LOXHD1: variants seen among roughly 807,000 people sequenced by gnomAD.
LOXHD1 encodes lipoxygenase homology domain-containing protein 1.
A neutral mutation model predicts 248.2 loss-of-function variants in LOXHD1; 205 were observed. The observed-to-expected ratio is 0.83, with a 90% CI of 0.74 to 0.93. LOXHD1 has a LOEUF of 0.93. Among genes scored for constraint, LOXHD1 ranks in the 40% least tolerant of loss-of-function variants. The pLI is 0.00. For missense variants in LOXHD1, 2,930 were observed against 2,971.6 expected (o/e 0.99, Z 0.33); for synonymous variants, 1,113 against 1,162.8 (o/e 0.96, Z 0.87).
intron 1 of LOXHD1, among the ~76,000 whole-genome samples, chr18:46,651,375 C>G (rs2039109163): frequency 6.6e-6 from 1 of 152,104 alleles, no homozygotes; most frequent in Non-Finnish European, 1.5e-5. Context: ...GATCAACCCC[C>G]GGAGCCCACT....
At chr18:46,552,696 G>T (rs1598985669) in intron 21 of LOXHD1, among the ~76,000 whole-genome samples, 1 of 152,098 alleles carries the variant, frequency 6.6e-6, no homozygotes, top group South Asian at 2.1e-4. Context: ...ACCCCAGCTG[G>T]CATTCTCTTG....
chr18:46,574,878 C>T (rs150676207), intron 14 of LOXHD1, among the ~76,000 whole-genome samples: 4 of 152,302 alleles, frequency 2.6e-5, no homozygotes, highest in African/African-American at 9.6e-5. Flanking sequence ...TCCCAGCTCC[C>T]CCAGCACCAT....
intron 4 of LOXHD1, among the ~76,000 whole-genome samples, chr18:46,633,813 T>C (rs1239192287): frequency 6.6e-6 from 1 of 152,228 alleles, no homozygotes; most frequent in East Asian, 1.9e-4. Context: ...GATGAAGGAT[T>C]TGAATGGTTA....
In LOXHD1 at chr18:46,545,222, G is replaced by A; in HGVS notation, c.3619+95C>T. The A allele has an allele frequency of 5.7e-6, 5 of 873,656 alleles. No individual in the cohort carries two copies. The Admixed American group carries it at 1.0e-4, about 18-fold the overall frequency. The allele number at this position is 873,656 out of a possible 1,614,324, so 54.1% of individuals were successfully genotyped here. On this transcript the variant is annotated intron_variant, in intron 23 of 40. Transcript: ENST00000642948. ...GCTTGCATCCTATTGAGAGACAAAA[G>A]CATAATTAGGATTCCCCTTGGAAAT...
chr18:46,516,779 T>C (rs1246696944), intron 34 of LOXHD1, among the ~76,000 whole-genome samples: 1 of 151,746 alleles, frequency 6.6e-6, no homozygotes, highest in African/African-American at 2.4e-5. Flanking sequence ...ACAATTATCA[T>C]TTCTACCATC....
intron 4 of LOXHD1, among the ~76,000 whole-genome samples, chr18:46,637,277 G>A (rs550306293): frequency 6.6e-6 from 1 of 152,372 alleles, no homozygotes; most frequent in South Asian, 2.1e-4. Context: ...CTGTGAAGGA[G>A]CTGGGGGCCC....
At chr18:46,648,897 C>G (rs1401737998) in intron 2 of LOXHD1, among the ~76,000 whole-genome samples, 3 of 152,192 alleles carry the variant, frequency 2.0e-5, no homozygotes, top group Admixed American at 6.5e-5. Context: ...TAATATGGGA[C>G]AGCTAATATG....
At chr18:46,498,917 C>T (rs1029212094) in intron 37 of LOXHD1, among the ~76,000 whole-genome samples, 11 of 152,132 alleles carry the variant, frequency 7.2e-5, no homozygotes, top group Non-Finnish European at 1.6e-4. Context: ...ATAATTGTTG[C>T]ATCTAGAAAC....
At chr18:46,580,996 G>T (rs2037951438) in intron 12 of LOXHD1, among the ~76,000 whole-genome samples, 1 of 152,196 alleles carries the variant, frequency 6.6e-6, no homozygotes, top group South Asian at 2.1e-4. Context: ...AAGGTAAGAA[G>T]TGTGGCTTCC....
chr18:46,560,048 T>TCCCGGCCCCCCC, intron 19 of LOXHD1, 35 bp downstream of exon 19: 1 of 1,226,298 alleles, frequency 8.2e-7, no homozygotes, highest in Non-Finnish European at 1.1e-6. Context: ...GTCTGGCCAC[T>TCCCGGCCCCCCC]CCCTCCCCAC....
chr18:46,515,949 G>T (rs554370412), intron 34 of LOXHD1, among the ~76,000 whole-genome samples: 1 of 152,146 alleles, frequency 6.6e-6, no homozygotes, highest in Admixed American at 6.5e-5. Flanking sequence ...ATGCAATCAC[G>T]TATGAAATCC....
intron 37 of LOXHD1, among the ~76,000 whole-genome samples, chr18:46,504,574 G>C (rs945860361): frequency 2.0e-5 from 3 of 152,156 alleles, no homozygotes; most frequent in Admixed American, 6.5e-5. Context: ...TGCCTTAAAG[G>C]CTATTTTATC....
chr18:46,588,956 TG>T (rs1297124890), intron 12 of LOXHD1, among the ~76,000 whole-genome samples: 1 of 152,086 alleles, frequency 6.6e-6, no homozygotes, highest in Non-Finnish European at 1.5e-5. Context: ...GGGTTGGGCA[TG>T]GGTTCAAAGA....
chr18:46,565,483 G>T (rs1163343906), intron 17 of LOXHD1, among the ~76,000 whole-genome samples: 1 of 152,116 alleles, frequency 6.6e-6, no homozygotes, highest in Non-Finnish European at 1.5e-5. Context: ...CAAGGGTTTT[G>T]TTCGTTTTGC....
At chr18:46,642,158 A>G in intron 2 of LOXHD1, 122 bp from the exon 3 acceptor site, 1 of 857,060 alleles carries the variant, frequency 1.2e-6, no homozygotes, top group Non-Finnish European at 1.9e-6. Context: ...GCTATGAGCA[A>G]CAAGATCCCA....
rs1332202967 is a variant in LOXHD1, at chr18:46,527,149, C to T, written c.4530+2028G>A. On this transcript the variant is annotated intron_variant, in intron 29 of 40. Transcript: ENST00000642948. ...CTGAGAGAGAGGAAAAAAAAAAAAA[C>T]GGAATCTGAACGCAGAGGGGAATGG... Among the ~76,000 whole-genome samples, 57 of 149,200 alleles carry T rather than the reference C, an allele frequency of 3.8e-4. 1 individual carries two copies. The highest frequency in any genetic ancestry group is 3.5e-3 in the Admixed American group (52 of 15,070).
At chr18:46,567,465 A>T (rs2037665894) in intron 16 of LOXHD1, among the ~76,000 whole-genome samples, 1 of 152,236 alleles carries the variant, frequency 6.6e-6, no homozygotes, top group Non-Finnish European at 1.5e-5. Flanking sequence ...AAAGCCTGAG[A>T]GCCCTCTGTG....
chr18:46,604,354 C>T (rs2038382730), intron 6 of LOXHD1, 125 bp from the exon 7 acceptor site: 1 of 1,305,192 alleles, frequency 7.7e-7, no homozygotes, highest in South Asian at 1.5e-5. Context: ...TTTCGTGGCC[C>T]AAGGAAAGCT....
intron 33 of LOXHD1, 113 bp downstream of exon 33, chr18:46,520,984 G>A (rs371398412): frequency 4.9e-5 from 62 of 1,262,946 alleles, no homozygotes; most frequent in African/African-American, 4.6e-4. Context: ...CAGCGCCTGC[G>A]GATGCCCCAG....
Sources: gnomAD v4.1 joint callset for allele counts (sites outside exome capture counted in the v4.1 genomes callset) on GRCh38, gnomAD v4.1.1 for gene constraint, MANE v1.5 for transcripts, NCBI Gene and HGNC (gene_info 2026-07-23, HGNC 2026-07-21) for gene names.